CDH4: variants seen among roughly 807,000 people sequenced by gnomAD.
CDH4 encodes the protein cadherin 4, also known as cadherin-4.
Under a neutral mutation model 86.0 loss-of-function variants are expected in CDH4, and 33 were observed. That is an observed-to-expected ratio of 0.38 (90% CI 0.29 to 0.51). CDH4 has a LOEUF of 0.51. CDH4 is among the 20% of genes least tolerant of loss of function. CDH4 has a pLI of 0.86. For synonymous variants in CDH4, 555 were observed against 549.4 expected (o/e 1.01, Z -0.14); for missense variants, 1,114 against 1,307.4 (o/e 0.85, Z 2.28).
intron 9 of CDH4, among the ~76,000 whole-genome samples, chr20:61,913,951 AC>A (rs772029998): frequency 1.8e-4 from 27 of 151,942 alleles, no homozygotes; most frequent in Non-Finnish European, 3.5e-4. Flanking sequence ...GTCCAGCTCC[AC>A]CCTCTCCTTG....
chr20:61,429,786 G>GAT (rs774860772), intron 2 of CDH4, among the ~76,000 whole-genome samples: 4,292 of 152,100 alleles, frequency 0.028, 95 homozygotes, highest in Non-Finnish European at 0.043. Flanking sequence ...TGGATGGATG[G>GAT]GTGGGTGGAA....
At chr20:61,825,268 GC>G (rs1455618207) in intron 4 of CDH4, among the ~76,000 whole-genome samples, 6 of 152,194 alleles carry the variant, frequency 3.9e-5, no homozygotes, top group African/African-American at 1.2e-4. Context: ...AATTAGCCCC[GC>G]ATGGTGGTGT....
intron 2 of CDH4, among the ~76,000 whole-genome samples, chr20:61,715,501 C>T (rs2087943073): frequency 6.6e-6 from 1 of 152,168 alleles, no homozygotes; most frequent in Non-Finnish European, 1.5e-5. Flanking sequence ...TACAACAAAG[C>T]CACTCCTTCC....
intron 2 of CDH4, among the ~76,000 whole-genome samples, chr20:61,279,208 C>G (rs2084245678): frequency 6.6e-6 from 1 of 152,202 alleles, no homozygotes; most frequent in Admixed American, 6.5e-5. Context: ...TGGGCAGAGC[C>G]AGGCTCCAGA....
chr20:61,844,639 C>A, intron 4 of CDH4, 29 bp from the exon 5 acceptor site: 2 of 1,594,410 alleles, frequency 1.3e-6, no homozygotes, highest in South Asian at 1.1e-5. Context: ...CACAGGATAA[C>A]CTCTTCTCGC....
At chr20:61,537,176 CT>C (rs1471382348) in intron 2 of CDH4, among the ~76,000 whole-genome samples, 1 of 152,214 alleles carries the variant, frequency 6.6e-6, no homozygotes, top group East Asian at 1.9e-4. Flanking sequence ...TTCTTTCCCC[CT>C]GAGCTATCTG....
At chr20:61,668,925 C>T (rs768399065) in intron 2 of CDH4, among the ~76,000 whole-genome samples, 15 of 152,332 alleles carry the variant, frequency 9.8e-5, no homozygotes, top group African/African-American at 2.9e-4. Context: ...ATCAGAGCAC[C>T]GTCCGCCAGC....
At chr20:61,575,315 T>C (rs543749166) in intron 2 of CDH4, among the ~76,000 whole-genome samples, 3 of 152,222 alleles carry the variant, frequency 2.0e-5, no homozygotes, top group Non-Finnish European at 4.4e-5. Context: ...AGAGAGGTTT[T>C]TCCTGGTATT....
chr20:61,770,166 C>T (rs2088757322), intron 3 of CDH4, among the ~76,000 whole-genome samples: 1 of 152,172 alleles, frequency 6.6e-6, no homozygotes, highest in Admixed American at 6.5e-5. Context: ...CCCTTGTCAT[C>T]ATGAGGGGCT....
At chr20:61,285,081 T>TTTTG (rs111577695) in intron 2 of CDH4, among the ~76,000 whole-genome samples, 2 of 149,348 alleles carry the variant, frequency 1.3e-5, no homozygotes, top group African/African-American at 2.5e-5. Flanking sequence ...TGTTTTTTTT[T>TTTTG]TTTGTTTGTT....
chr20:61,760,979 C>T (rs1489647022), intron 3 of CDH4, among the ~76,000 whole-genome samples: 2 of 152,198 alleles, frequency 1.3e-5, no homozygotes, highest in African/African-American at 2.4e-5. Context: ...TTGTTGAATA[C>T]CATTTTATTC....
At chr20:61,864,282 AGT>A (rs1242855335) in intron 6 of CDH4, among the ~76,000 whole-genome samples, 6 of 152,184 alleles carry the variant, frequency 3.9e-5, no homozygotes, top group Admixed American at 1.3e-4. Context: ...TGACGGGGCC[AGT>A]TCTGTTGCTT....
chr20:61,904,743 C>T (rs1237744498), intron 8 of CDH4, among the ~76,000 whole-genome samples: 1 of 152,268 alleles, frequency 6.6e-6, no homozygotes, highest in Non-Finnish European at 1.5e-5. Context: ...CACGTGGCCG[C>T]TTGCCGTGTG....
intron 2 of CDH4, among the ~76,000 whole-genome samples, chr20:61,634,846 C>T (rs987487481): frequency 1.3e-5 from 2 of 152,224 alleles, no homozygotes; most frequent in African/African-American, 4.8e-5. Flanking sequence ...AACCGCTGTT[C>T]CACTGTCCGT....
In CDH4 at chr20:61,517,756, CA is replaced by C; in HGVS notation, c.170-225806del. On this transcript the variant is annotated intron_variant, in intron 2 of 15. Coordinates refer to ENST00000614565, the MANE Select transcript of CDH4 (RefSeq NM_001794.5). The surrounding 1 kb of genome is among the most constrained non-coding windows in gnomAD (Gnocchi z 6.6). ...AGGTCACCATTCGTCTTATTCTTGTCAGCTATTATATGTCTGATTTTATGGT... is the reference window on the plus strand; with the variant it reads ...AGGTCACCATTCGTCTTATTCTTGTCGCTATTATATGTCTGATTTTATGGT... 6.6e-6 allele frequency among the ~76,000 whole-genome samples: 1 copy of C among 152,336 alleles called. No individual in the cohort carries two copies. Among genetic ancestry groups the C allele is most frequent in the South Asian group, 2.1e-4 (1 of 4,824 alleles).
intron 2 of CDH4, among the ~76,000 whole-genome samples, chr20:61,329,041 A>G (rs941694210): frequency 2.0e-5 from 3 of 152,188 alleles, no homozygotes; most frequent in African/African-American, 4.8e-5. Flanking sequence ...TCAAACACAA[A>G]GCCGATTTGA....
chr20:61,652,938 A>ATTTTTATTTATTTTTT (rs2087138479), intron 2 of CDH4, among the ~76,000 whole-genome samples: 2 of 97,402 alleles, frequency 2.1e-5, no homozygotes. Flanking sequence ...TTATTTATTT[A>ATTTTTATTTATTTTTT]TTTTTTTTTT....
chr20:61,363,651 G>T (rs1221357382), intron 2 of CDH4, among the ~76,000 whole-genome samples: 1 of 152,162 alleles, frequency 6.6e-6, no homozygotes, highest in African/African-American at 2.4e-5. Flanking sequence ...CCTGACGGGG[G>T]CCACAGTGCA....
chr20:61,804,209 G>A (rs1979998480), intron 4 of CDH4, among the ~76,000 whole-genome samples: 2 of 152,332 alleles, frequency 1.3e-5, no homozygotes, highest in Admixed American at 1.3e-4. Context: ...CTGAGGACGG[G>A]GCTGGAGATT....
Sources: allele counts gnomAD v4.1 joint callset (sites outside exome capture counted in the v4.1 genomes callset), GRCh38; gene constraint gnomAD v4.1.1; non-coding constraint Gnocchi (gnomAD v3.1); transcripts MANE v1.5; gene names NCBI Gene and HGNC (gene_info 2026-07-23, HGNC 2026-07-21).